The following FRY variants were observed in gnomAD, a reference collection of about 807,000 sequenced individuals.
FRY encodes the protein FRY microtubule binding protein.
FRY carries 128 observed loss-of-function variants against 348.4 expected under a neutral mutation model. That is an observed-to-expected ratio of 0.37 (90% CI 0.32 to 0.43). The LOEUF (loss-of-function observed/expected upper bound fraction) is 0.43, where lower values mean the gene tolerates loss of function less well. FRY is among the 20% of genes least tolerant of loss of function. The pLI is 1.00. For synonymous variants in FRY, 1,370 were observed against 1,374.7 expected, an observed-to-expected ratio of 1.00 and a Z score of 0.08; for missense variants, 2,736 against 3,695.2, an observed-to-expected ratio of 0.74 and a Z score of 6.73.
chr13:32,289,431 A>C (rs933907967), intron 58 of FRY, among the ~76,000 whole-genome samples: 1 of 152,184 alleles, frequency 6.6e-6, no homozygotes, highest in African/African-American at 2.4e-5. Flanking sequence ...TCCATTACAC[A>C]AACTATAATG....
At chr13:32,195,095 C>T (rs190121192) in intron 29 of FRY, among the ~76,000 whole-genome samples, 87 of 152,196 alleles carry the variant, frequency 5.7e-4, no homozygotes, top group African/African-American at 2.1e-3. Context: ...TTAGTAAAAG[C>T]GGTATTTTGG....
chr13:32,069,865 A>ACCCC (rs1874514694), intron 1 of FRY, among the ~76,000 whole-genome samples: 207 of 142,216 alleles, frequency 1.5e-3, no homozygotes, highest in Non-Finnish European at 1.8e-3. Context: ...CCTCCCCCAG[A>ACCCC]CCCCCACCCC....
intron 8 of FRY, among the ~76,000 whole-genome samples, chr13:32,133,243 C>G (rs1326132110): frequency 1.3e-5 from 2 of 152,138 alleles, no homozygotes; most frequent in East Asian, 3.9e-4. Context: ...GACTATGTAT[C>G]AAACTTCTCG....
chr13:32,056,515 C>G (rs934359020), intron 1 of FRY, among the ~76,000 whole-genome samples: 5 of 152,178 alleles, frequency 3.3e-5, no homozygotes, highest in African/African-American at 1.2e-4. Flanking sequence ...AACACAATGA[C>G]ACATTATCTT....
At chr13:32,154,558 T>A (rs1053978752) in intron 14 of FRY, among the ~76,000 whole-genome samples, 1 of 152,200 alleles carries the variant, frequency 6.6e-6, no homozygotes, top group East Asian at 1.9e-4. Context: ...TGAGAATACT[T>A]TACCCTGTAA....
intron 58 of FRY, among the ~76,000 whole-genome samples, chr13:32,287,625 CTAAAAACGTAAACAT>C (rs1254415894): frequency 6.8e-6 from 1 of 147,794 alleles, no homozygotes; most frequent in Non-Finnish European, 1.5e-5. Context: ...ATCAGAGAAC[CTAAAAACGTAAACAT>C]TATGTTTTTT....
At chr13:32,143,688 A>G (rs532577285) in intron 11 of FRY, among the ~76,000 whole-genome samples, 1 of 152,364 alleles carries the variant, frequency 6.6e-6, no homozygotes, top group East Asian at 1.9e-4. Context: ...TGTTATATAT[A>G]TCTTAAAAAA....
intron 1 of FRY, among the ~76,000 whole-genome samples, chr13:32,058,932 C>T (rs1191493846): frequency 6.6e-6 from 1 of 152,116 alleles, no homozygotes. Flanking sequence ...TCTGATAAAC[C>T]TGTATTTGAA....
In FRY at chr13:32,262,449, A is replaced by C; in HGVS notation, c.7753A>C (p.Asn2585His). The change falls in exon 53 of 61, where the codon AAT becomes CAT. Residue 2585 changes from asparagine to histidine, a missense_variant. Asn to His is a moderately conservative substitution (Grantham distance 68). Coordinates refer to ENST00000542859, the MANE Select transcript of FRY (RefSeq NM_023037.3). Reference protein sequence around the residue: ...SFDASLPDMNNLQISEGSKAE... With the variant: ...SFDASLPDMNHLQISEGSKAE... ...TGATGCTTCCTTGCCTGATATGAATAATCTGCAGATTTCTGAGGGTTCAAA... is the reference window on the plus strand; with the variant it reads ...TGATGCTTCCTTGCCTGATATGAATCATCTGCAGATTTCTGAGGGTTCAAA... 1.2e-6 allele frequency: 2 copies of C among 1,613,598 alleles called. No individual in the cohort carries two copies. The highest frequency in any genetic ancestry group is 1.7e-6 in the Non-Finnish European group (2 of 1,179,554).
At chr13:32,236,758 T>C (rs1214725969) in intron 43 of FRY, among the ~76,000 whole-genome samples, 1 of 152,182 alleles carries the variant, frequency 6.6e-6, no homozygotes, top group African/African-American at 2.4e-5. Context: ...TGTATCCGAT[T>C]GGGCCTTGTT....
intron 41 of FRY, among the ~76,000 whole-genome samples, chr13:32,233,043 A>C (rs149216200): frequency 7.1e-4 from 108 of 152,322 alleles, no homozygotes; most frequent in Admixed American, 1.6e-3. Flanking sequence ...CTTTATTTTG[A>C]TAAACAAAAT....
intron 1 of FRY, among the ~76,000 whole-genome samples, chr13:32,047,515 T>A (rs953625810): frequency 6.6e-6 from 1 of 151,608 alleles, no homozygotes; most frequent in Admixed American, 6.6e-5. Context: ...CATTAGCGTA[T>A]GCTACAGTTG....
At chr13:32,186,516 A>T (rs1007592837) in intron 27 of FRY, 96 bp downstream of exon 27, 2 of 810,454 alleles carry the variant, frequency 2.5e-6, no homozygotes, top group East Asian at 5.3e-5. Context: ...AAAATAAATA[A>T]TACAATATCA....
chr13:32,125,816 TA>T (rs1217861432), intron 7 of FRY, among the ~76,000 whole-genome samples: 3 of 152,202 alleles, frequency 2.0e-5, no homozygotes, highest in Non-Finnish European at 2.9e-5. Flanking sequence ...ATCCTGACTA[TA>T]TTTTTTTTAA....
At chr13:32,099,061 G>A (rs939469574) in intron 2 of FRY, among the ~76,000 whole-genome samples, 1 of 151,932 alleles carries the variant, frequency 6.6e-6, no homozygotes, top group Admixed American at 6.6e-5. Flanking sequence ...ATCTTTGTGA[G>A]TGGAGGAGAG....
rs775852126 is a variant in FRY, at chr13:32,211,006, C to CA, written c.4564dup (p.Ser1522LysfsTer2). The stretch of plus-strand genomic sequence containing the variant: ...ACCCGCCCTTCTACCGCTTCACGGC[C>CA]AGTAGCAAGGCTTCCGCAGCAGCCT... On this transcript the variant is annotated frameshift_variant, in exon 34 of 61. Coordinates refer to ENST00000542859, the MANE Select transcript of FRY (RefSeq NM_023037.3). LOFTEE classifies it high-confidence loss of function. The CA allele has an allele frequency of 6.2e-7, 1 of 1,614,028 alleles. No individual in the cohort carries two copies. The highest frequency in any genetic ancestry group is 1.3e-5 in the African/African-American group (1 of 75,058).
intron 3 of FRY, among the ~76,000 whole-genome samples, chr13:32,103,321 A>G (rs920229794): frequency 2.6e-5 from 4 of 152,260 alleles, no homozygotes; most frequent in Admixed American, 1.3e-4. Context: ...AATACGGTAT[A>G]TGATGTTTGG....
chr13:32,140,871 T>G (rs1370774430), intron 11 of FRY, among the ~76,000 whole-genome samples: 1 of 152,216 alleles, frequency 6.6e-6, no homozygotes, highest in Non-Finnish European at 1.5e-5. Context: ...ATCTTGTAAA[T>G]GGAGACATTG....
At position 32,178,805 on chromosome 13, in the gene FRY, A is replaced by G. The variant is rs775977829; in HGVS notation, c.2682-39A>G. Reference sequence around the variant, plus strand: ...TTAATAAGTGATATTTAAAATCCAGAACTTAGTTTCACTCTTGTTTTCGAC... The same window carrying G: ...TTAATAAGTGATATTTAAAATCCAGGACTTAGTTTCACTCTTGTTTTCGAC... On this transcript the variant is annotated intron_variant, in intron 21 of 60. Transcript: ENST00000542859. 2.2e-6 allele frequency: 3 copies of G among 1,354,358 alleles called. No homozygotes were observed. In the South Asian group the frequency reaches 3.5e-5, roughly 16 times the overall value. The allele number at this position is 1,354,358 out of a possible 1,614,324, so 83.9% of individuals were successfully genotyped here.
Sources: gnomAD v4.1 joint callset for allele counts (sites outside exome capture counted in the v4.1 genomes callset) on GRCh38, gnomAD v4.1.1 for gene constraint, MANE v1.5 for transcripts, NCBI Gene and HGNC (gene_info 2026-07-23, HGNC 2026-07-21) for gene names.